MACROD2: variants seen among roughly 807,000 people sequenced by gnomAD.
MACROD2 encodes ADP-ribose glycohydrolase MACROD2.
In MACROD2, 36 loss-of-function variants were observed where a neutral mutation model predicts 70.4. The ratio of observed to expected loss-of-function variants is 0.51; its 90% CI spans 0.39 to 0.68. MACROD2 has a LOEUF of 0.68. Ranked by LOEUF, MACROD2 falls within the 30% of genes least tolerant of loss-of-function variation. The probability of loss-of-function intolerance (pLI) is 0.00; values close to 1 mark genes in which losing one functional copy is unlikely to be tolerated. For missense variants in MACROD2, 496 were observed against 538.4 expected, an observed-to-expected ratio of 0.92 and a Z score of 0.78; for synonymous variants, 172 against 178.8, an observed-to-expected ratio of 0.96 and a Z score of 0.30.
chr20:14,302,756 A>G (rs1338616640), intron 3 of MACROD2, among the ~76,000 whole-genome samples: 2 of 151,910 alleles, frequency 1.3e-5, no homozygotes, highest in South Asian at 2.1e-4. Context: ...GCCAGGTTCA[A>G]ATGATTCTGT....
intron 4 of MACROD2, among the ~76,000 whole-genome samples, chr20:14,664,220 A>G (rs2123543061): frequency 6.6e-6 from 1 of 152,248 alleles, no homozygotes; most frequent in African/African-American, 2.4e-5. Flanking sequence ...TTGGCTCATA[A>G]ATCAGAAGAG....
At chr20:14,624,250 A>C (rs1177712614) in intron 4 of MACROD2, among the ~76,000 whole-genome samples, 1 of 152,126 alleles carries the variant, frequency 6.6e-6, no homozygotes, top group East Asian at 1.9e-4. Context: ...TATTGCAATT[A>C]AGCAGTGAGA....
At chr20:15,873,962 T>C (rs979386855) in intron 9 of MACROD2, among the ~76,000 whole-genome samples, 12 of 152,048 alleles carry the variant, frequency 7.9e-5, no homozygotes, top group African/African-American at 1.5e-4. Context: ...CAGTGCACAA[T>C]GTGCAGGTTT....
chr20:14,840,033 C>CTTTTTTTTTTTTTTTTTTT (rs71190154), intron 5 of MACROD2, among the ~76,000 whole-genome samples: 1 of 142,492 alleles, frequency 7.0e-6, no homozygotes. Context: ...GTCTCCATGT[C>CTTTTTTTTTTTTTTTTTTT]TTTTTTTTTT....
chr20:15,938,187 A>C (rs2065695302), intron 12 of MACROD2, among the ~76,000 whole-genome samples: 1 of 152,192 alleles, frequency 6.6e-6, no homozygotes, highest in African/African-American at 2.4e-5. Flanking sequence ...AGGAAAACAA[A>C]ATAGTGCTTT....
At chr20:15,215,252 T>TTTTGTG (rs1555793400) in intron 5 of MACROD2, among the ~76,000 whole-genome samples, 2 of 135,474 alleles carry the variant, frequency 1.5e-5, no homozygotes, top group African/African-American at 2.8e-5. Flanking sequence ...CTCCTGTATT[T>TTTTGTG]TGTGTGTGTG....
chr20:15,595,816 A>G (rs908610962), intron 8 of MACROD2, among the ~76,000 whole-genome samples: 9 of 152,050 alleles, frequency 5.9e-5, no homozygotes, highest in Non-Finnish European at 1.2e-4. Context: ...TGTAAACTGT[A>G]ACTTGGCACA....
intron 6 of MACROD2, 62 bp from the exon 7 acceptor site, chr20:15,431,343 A>C: frequency 6.9e-7 from 1 of 1,440,396 alleles, no homozygotes; most frequent in Non-Finnish European, 9.8e-7. Flanking sequence ...ATGTTGAGAA[A>C]GATGATGTTG....
chr20:14,276,099 C>G lies in MACROD2; in HGVS notation c.271+190371C>G, dbSNP rs547305437. On this transcript the variant is annotated intron_variant, in intron 3 of 17. Coordinates refer to ENST00000684519, the MANE Select transcript of MACROD2 (RefSeq NM_001351661.2). ...CCTCAGGGATCTAGAACTAGAAATACCATTTGACCCAGCCATCCCATTACT... is the reference window on the plus strand; with the variant it reads ...CCTCAGGGATCTAGAACTAGAAATAGCATTTGACCCAGCCATCCCATTACT... Among the ~76,000 whole-genome samples the G allele has an allele frequency of 7.2e-5, 11 of 152,098 alleles. No individual in the cohort carries two copies. In the East Asian group the frequency reaches 1.6e-3, roughly 21 times the overall value.
At chr20:14,349,266 T>C (rs1350233596) in intron 3 of MACROD2, among the ~76,000 whole-genome samples, 1 of 151,116 alleles carries the variant, frequency 6.6e-6, no homozygotes, top group Non-Finnish European at 1.5e-5. Flanking sequence ...TATTTTTAAT[T>C]TTTGTGGGTA....
chr20:14,256,874 A>G (rs1256458564), intron 3 of MACROD2, among the ~76,000 whole-genome samples: 2 of 152,004 alleles, frequency 1.3e-5, no homozygotes, highest in East Asian at 3.9e-4. Flanking sequence ...CTGCTTTGGT[A>G]TTTCTCTGAT....
At chr20:14,503,476 G>A (rs182482200) in intron 4 of MACROD2, among the ~76,000 whole-genome samples, 2 of 152,286 alleles carry the variant, frequency 1.3e-5, no homozygotes, top group East Asian at 3.9e-4. Flanking sequence ...CTTTGAGAGT[G>A]GGGCTGAATG....
At chr20:14,927,687 G>C (rs964986150) in intron 5 of MACROD2, among the ~76,000 whole-genome samples, 5 of 152,166 alleles carry the variant, frequency 3.3e-5, no homozygotes, top group African/African-American at 1.2e-4. Context: ...AAGTAAGCTA[G>C]AAGGGTGTTG....
intron 4 of MACROD2, among the ~76,000 whole-genome samples, chr20:14,521,731 A>G (rs1223909663): frequency 1.3e-5 from 2 of 152,180 alleles, no homozygotes; most frequent in Non-Finnish European, 2.9e-5. Context: ...GTTGTCTTCC[A>G]CTATTCATCA....
chr20:15,875,025 A>T (rs768093583), intron 9 of MACROD2, among the ~76,000 whole-genome samples: 28 of 152,252 alleles, frequency 1.8e-4, no homozygotes, highest in African/African-American at 6.0e-4. Flanking sequence ...GGCTTTGAAG[A>T]TGGAGGAAGA....
intron 6 of MACROD2, among the ~76,000 whole-genome samples, chr20:15,246,235 T>G (rs1410702174): frequency 6.6e-6 from 1 of 152,172 alleles, no homozygotes; most frequent in Non-Finnish European, 1.5e-5. Context: ...ACATAGTGAA[T>G]AGGGTGCTCA....
At chr20:14,255,710 TAAATA>T (rs1264731598) in intron 3 of MACROD2, among the ~76,000 whole-genome samples, 1 of 107,066 alleles carries the variant, frequency 9.3e-6, no homozygotes, top group African/African-American at 2.7e-5. Context: ...AATAAATAAA[TAAATA>T]AATAAATAAA....
In MACROD2 at chr20:14,327,208, G is replaced by A. The variant is rs1370891946; in HGVS notation, c.272-166271G>A. 10 of 1,613,456 alleles carry A rather than the reference G, an allele frequency of 6.2e-6. No homozygotes were observed. Among genetic ancestry groups the A allele is most frequent in the Non-Finnish European group, 8.5e-6 (10 of 1,179,714 alleles). On this transcript the variant is annotated intron_variant, in intron 3 of 17. Coordinates refer to ENST00000684519, the MANE Select transcript of MACROD2 (RefSeq NM_001351661.2). ...CTCTTTTACATACTTTGGGAGGTTGGTAGGAAATTCATCTAAACTGTTGTG... is the reference window on the plus strand; with the variant it reads ...CTCTTTTACATACTTTGGGAGGTTGATAGGAAATTCATCTAAACTGTTGTG...
At chr20:15,490,519 C>A (rs1201332650) in intron 7 of MACROD2, among the ~76,000 whole-genome samples, 1 of 151,998 alleles carries the variant, frequency 6.6e-6, no homozygotes, top group East Asian at 1.9e-4. Context: ...CCAAAACATC[C>A]CCAAATGCTA....
Sources: gnomAD v4.1 joint callset for allele counts (sites outside exome capture counted in the v4.1 genomes callset) on GRCh38, gnomAD v4.1.1 for gene constraint, MANE v1.5 for transcripts, NCBI Gene and HGNC (gene_info 2026-07-23, HGNC 2026-07-21) for gene names.